Variants in GPC5 observed in about 807,000 individuals in gnomAD.
GPC5 encodes the protein glypican-5.
GPC5 carries 47 observed loss-of-function variants against 53.9 expected under a neutral mutation model. The observed-to-expected ratio is 0.87, with a 90% CI of 0.69 to 1.11. The LOEUF (loss-of-function observed/expected upper bound fraction) is 1.11, where lower values mean the gene tolerates loss of function less well. GPC5 is among the 50% of genes most tolerant of loss of function. The pLI is 0.00. For synonymous variants in GPC5, 286 were observed against 263.3 expected (o/e 1.09, Z -0.84); for missense variants, 748 against 713.1 (o/e 1.05, Z -0.56).
chr13:92,673,934 TA>T (rs978639056), intron 7 of GPC5, among the ~76,000 whole-genome samples: 11 of 152,112 alleles, frequency 7.2e-5, no homozygotes, highest in Admixed American at 3.9e-4. Context: ...TTTTCAATTG[TA>T]AAAAAATGTT....
intron 2 of GPC5, among the ~76,000 whole-genome samples, chr13:91,491,400 G>A (rs1468352681): frequency 1.3e-5 from 2 of 152,036 alleles, no homozygotes; most frequent in African/African-American, 4.8e-5. Flanking sequence ...AAACTATTCG[G>A]CATATAACCT....
At chr13:91,942,206 G>A (rs2039933700) in intron 6 of GPC5, among the ~76,000 whole-genome samples, 4 of 151,914 alleles carry the variant, frequency 2.6e-5, no homozygotes, top group African/African-American at 9.6e-5. Context: ...TTTCTTTAAG[G>A]ATCCCATATT....
At chr13:92,771,217 C>T (rs138589326) in intron 7 of GPC5, among the ~76,000 whole-genome samples, 6 of 152,238 alleles carry the variant, frequency 3.9e-5, no homozygotes, top group African/African-American at 1.4e-4. Flanking sequence ...AGAAGAGCTT[C>T]CTTGCAGCCT....
At chr13:91,987,855 A>G (rs2040422785) in intron 6 of GPC5, among the ~76,000 whole-genome samples, 1 of 145,420 alleles carries the variant, frequency 6.9e-6, no homozygotes, top group Non-Finnish European at 1.5e-5. Flanking sequence ...ATATAATTAT[A>G]TATATTATTT....
At chr13:92,477,483 C>G (rs1879195102) in intron 7 of GPC5, among the ~76,000 whole-genome samples, 1 of 152,126 alleles carries the variant, frequency 6.6e-6, no homozygotes, top group African/African-American at 2.4e-5. Context: ...CCCAGTCTGT[C>G]TGAGGGCTAT....
chr13:91,556,458 C>T (rs1197647189), intron 2 of GPC5, among the ~76,000 whole-genome samples: 1 of 151,030 alleles, frequency 6.6e-6, no homozygotes, highest in Non-Finnish European at 1.5e-5. Flanking sequence ...TTTGCAATTG[C>T]AAAAATATGG....
chr13:91,636,825 G>A (rs1468943897), intron 2 of GPC5, among the ~76,000 whole-genome samples: 6 of 152,102 alleles, frequency 3.9e-5, no homozygotes, highest in Non-Finnish European at 5.9e-5. Flanking sequence ...AGGCATGGTG[G>A]TGCGTGCCTG....
chr13:92,133,834 C>T (rs942746645), intron 6 of GPC5, among the ~76,000 whole-genome samples: 2 of 152,104 alleles, frequency 1.3e-5, no homozygotes, highest in Non-Finnish European at 2.9e-5. Context: ...TGCTGATTCC[C>T]GCAGTCCATG....
chr13:91,550,928 A>G (rs931153247), intron 2 of GPC5, among the ~76,000 whole-genome samples: 2 of 152,176 alleles, frequency 1.3e-5, no homozygotes, highest in Non-Finnish European at 2.9e-5. Context: ...ATCTTCAGCC[A>G]TAATTGTGAG....
chr13:92,347,853 A>ATATATATATAATATATATAATATATAT lies in GPC5; in HGVS notation c.1561+202864_1561+202865insTATATATATAATATATATAATATATAT, dbSNP rs1566549560. ...ATCAGCTTGAAATAGGCTGTTTTAT[A>ATATATATATAATATATATAATATATAT]CATATATATATTATATATATAATAT... On this transcript the variant is annotated intron_variant, in intron 7 of 7. Coordinates refer to ENST00000377067, the MANE Select transcript of GPC5 (RefSeq NM_004466.6). Among the ~76,000 whole-genome samples the ATATATATATAATATATATAATATATAT allele has an allele frequency of 7.1e-4, 10 of 13,994 alleles. 1 individual carries two copies. The highest frequency in any genetic ancestry group is 5.4e-3 in the African/African-American group (9 of 1,670). 9.2% of individuals were successfully genotyped at this position (13,994 alleles called of 152,430 possible). A position where few individuals can be genotyped will look rare whatever the true frequency, so the allele number is the denominator to read the frequency against.
intron 7 of GPC5, among the ~76,000 whole-genome samples, chr13:92,815,459 A>G (rs1212669120): frequency 6.6e-6 from 1 of 151,898 alleles, no homozygotes; most frequent in African/African-American, 2.4e-5. Flanking sequence ...GAAGCAAGTA[A>G]TCAGAGGAGA....
Position 92,114,004 on chromosome 13 carries a change from T to C in GPC5, c.1402-30826T>C, listed in dbSNP as rs75708810. ...TCAAAATGTTTAGTATCGGGTTATA[T>C]GGAAAAGCTATAAACTTGTTTTTGT... is the stretch of plus-strand genomic sequence containing the variant. On this transcript the variant is annotated intron_variant, in intron 6 of 7. Coordinates refer to ENST00000377067, the MANE Select transcript of GPC5 (RefSeq NM_004466.6). 1.7e-3 allele frequency among the ~76,000 whole-genome samples: 266 copies of C among 152,330 alleles called. 6 individuals are homozygous for C. Among genetic ancestry groups the C allele is most frequent in the East Asian group, 2.1e-3 (11 of 5,180 alleles).
At chr13:92,266,407 C>G (rs2042802698) in intron 7 of GPC5, among the ~76,000 whole-genome samples, 1 of 152,078 alleles carries the variant, frequency 6.6e-6, no homozygotes, top group Non-Finnish European at 1.5e-5. Flanking sequence ...TCTTCTGGAG[C>G]TTTTTCTAAC....
intron 5 of GPC5, among the ~76,000 whole-genome samples, chr13:91,867,993 A>T (rs923891640): frequency 6.6e-6 from 1 of 152,238 alleles, no homozygotes; most frequent in African/African-American, 2.4e-5. Context: ...AAATGAGCTG[A>T]TTAAAGCCCT....
chr13:91,663,444 A>T (rs369737504), intron 2 of GPC5, among the ~76,000 whole-genome samples: 1 of 151,938 alleles, frequency 6.6e-6, no homozygotes, highest in African/African-American at 2.4e-5. Flanking sequence ...CCTGAATTTG[A>T]AACTGATTTT....
At chr13:91,450,314 C>A (rs1014280025) in intron 2 of GPC5, among the ~76,000 whole-genome samples, 1 of 152,052 alleles carries the variant, frequency 6.6e-6, no homozygotes, top group South Asian at 2.1e-4. Context: ...AGCCGTTAAC[C>A]ATCTACAGAA....
intron 7 of GPC5, among the ~76,000 whole-genome samples, chr13:92,454,579 A>G (rs1382909422): frequency 1.3e-5 from 2 of 152,208 alleles, no homozygotes; most frequent in Non-Finnish European, 2.9e-5. Context: ...TGTACCAGGA[A>G]CAAGACTAAT....
At chr13:92,198,399 TC>T (rs1276258281) in intron 7 of GPC5, among the ~76,000 whole-genome samples, 5 of 152,302 alleles carry the variant, frequency 3.3e-5, no homozygotes, top group Admixed American at 3.3e-4. Context: ...ATAGATATGC[TC>T]CTTATTAATT....
At chr13:91,630,884 TA>T (rs1455439638) in intron 2 of GPC5, among the ~76,000 whole-genome samples, 1 of 152,158 alleles carries the variant, frequency 6.6e-6, no homozygotes, top group Admixed American at 6.6e-5. Context: ...CCCTTAACAA[TA>T]AGAGATATAT....
Sources: allele counts gnomAD v4.1 joint callset (sites outside exome capture counted in the v4.1 genomes callset), GRCh38; gene constraint gnomAD v4.1.1; transcripts MANE v1.5; gene names NCBI Gene and HGNC (gene_info 2026-07-23, HGNC 2026-07-21).